The following TRIOBP variants were observed in gnomAD, a reference collection of about 807,000 sequenced individuals.
TRIOBP encodes TRIO and F-actin binding protein.
In TRIOBP, 169 loss-of-function variants were observed where a neutral mutation model predicts 238.8. That is an observed-to-expected ratio of 0.71 (90% CI 0.62 to 0.80). The LOEUF (loss-of-function observed/expected upper bound fraction) is 0.80. Ranked by LOEUF, TRIOBP falls within the 30% of genes least tolerant of loss-of-function variation. The pLI, the probability that TRIOBP is intolerant of heterozygous loss-of-function variation, is 0.00. For missense variants in TRIOBP, 2,838 were observed against 3,122.6 expected (o/e 0.91, Z 2.17); for synonymous variants, 1,150 against 1,274.4 (o/e 0.90, Z 2.08).
chr22:37,746,252 G>A (rs1925247060), intron 11 of TRIOBP: 4 of 1,088,794 alleles, frequency 3.7e-6, no homozygotes, highest in Non-Finnish European at 4.5e-6. Context: ...GCGGATGGAA[G>A]GGGCCGGGGC....
At chr22:37,751,492 GGA>G in intron 11 of TRIOBP, 1 of 519,278 alleles carries the variant, frequency 1.9e-6, no homozygotes, top group South Asian at 2.0e-5. Context: ...GGGGTCGGCT[GGA>G]GAGAGGCCCC....
At chr22:37,720,091 C>T (rs1601628118) in intron 6 of TRIOBP, among the ~76,000 whole-genome samples, 1 of 147,560 alleles carries the variant, frequency 6.8e-6, no homozygotes, top group African/African-American at 2.5e-5. Context: ...CTCACTGCAA[C>T]CTCCACCTCC....
At position 37,769,481 on chromosome 22, in the gene TRIOBP, C is replaced by T. The variant is rs906910176; in HGVS notation, c.6849+106C>T. The T allele has an allele frequency of 3.5e-6, 4 of 1,134,994 alleles. No homozygotes were observed. In the African/African-American group the frequency reaches 6.1e-5, roughly 17 times the overall value. 70.3% of individuals were successfully genotyped at this position (1,134,994 alleles called of 1,614,324 possible). ...ATCACCTGTGGCAGGAAAGCCAAGTCTCCCAGTGGCTGGGCCAGCCTGACT... is the reference window on the plus strand; with the variant it reads ...ATCACCTGTGGCAGGAAAGCCAAGTTTCCCAGTGGCTGGGCCAGCCTGACT... On this transcript the variant is annotated intron_variant, in intron 21 of 23. Transcript: ENST00000644935.
Position 37,755,674 on chromosome 22 carries a change from G to A in TRIOBP, c.5687+15G>A, listed in dbSNP as rs773830175. The A allele has an allele frequency of 4.3e-6, 7 of 1,612,622 alleles. No individual in the cohort carries two copies. The East Asian group carries it at 1.3e-4, about 31-fold the overall frequency. On this transcript the variant is annotated intron_variant, in intron 15 of 23. Coordinates refer to ENST00000644935, the MANE Select transcript of TRIOBP (RefSeq NM_001039141.3). Reference sequence around the variant, plus strand: ...GATGTCACCAAGTACGTACTAAGCTGGACTGGGGCCTTGAGGGAGGCACTT... The same window carrying A: ...GATGTCACCAAGTACGTACTAAGCTAGACTGGGGCCTTGAGGGAGGCACTT...
chr22:37,765,604 G>T (rs1926445743), intron 17 of TRIOBP, 66 bp from the exon 18 acceptor site: 2 of 1,544,718 alleles, frequency 1.3e-6, no homozygotes, highest in African/African-American at 1.4e-5. Context: ...CTCCTCTGGA[G>T]GCTGGGGAAG....
At chr22:37,731,898 T>A (rs964281221) in intron 7 of TRIOBP, among the ~76,000 whole-genome samples, 1 of 152,208 alleles carries the variant, frequency 6.6e-6, no homozygotes, top group Non-Finnish European at 1.5e-5. Context: ...CCCAATCCCA[T>A]ACTTTTGAAG....
chr22:37,771,928 C>T lies in TRIOBP; in HGVS notation c.6936+192C>T, dbSNP rs957171397. The T allele has an allele frequency of 1.3e-5, 9 of 697,840 alleles. No homozygotes were observed. In the African/African-American group the frequency reaches 1.6e-4, roughly 12 times the overall value. The allele number at this position is 697,840 out of a possible 1,614,324, so 43.2% of individuals were successfully genotyped here. On this transcript the variant is annotated intron_variant, in intron 22 of 23. Coordinates refer to ENST00000644935, the MANE Select transcript of TRIOBP (RefSeq NM_001039141.3). ...ACTGAGACTAAGAAAGGGGAAGTGACTTCCCCAAGGCTGTACTTGGCTTCT... is the reference window on the plus strand; with the variant it reads ...ACTGAGACTAAGAAAGGGGAAGTGATTTCCCCAAGGCTGTACTTGGCTTCT...
intron 11 of TRIOBP, chr22:37,746,337 GTTCCCGCGCCGCGGA>G: frequency 8.6e-7 from 1 of 1,166,900 alleles, no homozygotes; most frequent in Non-Finnish European, 1.1e-6. Context: ...CGGCGGCGGG[GTTCCCGCGCCGCGGA>G]GCCCGGCCCG....
At chr22:37,752,672 G>A (rs1055542287) in intron 12 of TRIOBP, among the ~76,000 whole-genome samples, 4 of 152,188 alleles carry the variant, frequency 2.6e-5, no homozygotes, top group African/African-American at 7.2e-5. Flanking sequence ...CCTGCCCGCT[G>A]TCCCTGGTGG....
chr22:37,756,583 G>A (rs546808086), intron 15 of TRIOBP, among the ~76,000 whole-genome samples: 8 of 152,308 alleles, frequency 5.3e-5, no homozygotes, highest in South Asian at 2.1e-4. Context: ...AAGAAACCCC[G>A]GGCACAGTAA....
intron 11 of TRIOBP, among the ~76,000 whole-genome samples, chr22:37,741,875 C>CA (rs1214694763): frequency 6.6e-6 from 1 of 152,210 alleles, no homozygotes. Context: ...CTCAGGGCTG[C>CA]AGAGAGGGCT....
At chr22:37,708,698 A>T (rs4820296) in intron 3 of TRIOBP, among the ~76,000 whole-genome samples, 81,926 of 152,096 alleles carry the variant, frequency 0.54, 22,787 homozygotes, top group East Asian at 0.7. Flanking sequence ...GTCGCTTCTC[A>T]GCCTCCATTT....
rs760809822 is a variant in TRIOBP at position 37,726,227 on chromosome 22, C to T, written c.3671C>T (p.Pro1224Leu). 16 of 1,604,740 alleles carry T rather than the reference C, an allele frequency of 1.0e-5. No individual in the cohort carries two copies. In the East Asian group the frequency reaches 3.2e-4, roughly 32 times the overall value. Residue 1224 changes from proline to leucine, a missense_variant, in exon 7 of 24, where the codon CCC (proline) becomes CTC (leucine). This residue lies in a region of TRIOBP where 2,096 missense variants were observed against 2,137.4 expected (regional missense o/e 0.98). Coordinates refer to ENST00000644935, the MANE Select transcript of TRIOBP (RefSeq NM_001039141.3). ...PQVCIGHRDAPRASSPPRHPP... is the reference protein window; with the variant it reads ...PQVCIGHRDALRASSPPRHPP... The stretch of plus-strand genomic sequence containing the variant: ...GTGTGCATCGGGCACCGGGATGCAC[C>T]CCGAGCCTCCTCCCCACCCCGCCAC...
chr22:37,771,547 C>A, intron 21 of TRIOBP, 103 bp from the exon 22 acceptor site: 1 of 1,002,134 alleles, frequency 1.0e-6, no homozygotes, highest in Non-Finnish European at 1.6e-6. Flanking sequence ...ATAGGGGCTG[C>A]ATTCTAGGGG....
intron 2 of TRIOBP, among the ~76,000 whole-genome samples, chr22:37,698,489 G>A (rs1193900627): frequency 2.7e-5 from 4 of 150,802 alleles, no homozygotes; most frequent in African/African-American, 9.7e-5. Context: ...GAGTAGCTGG[G>A]ATTACAGGCA....
chr22:37,714,022 T>C lies in TRIOBP; in HGVS notation c.456+611T>C, dbSNP rs145092609. On this transcript the variant is annotated intron_variant, in intron 5 of 23. Coordinates refer to ENST00000644935, the MANE Select transcript of TRIOBP (RefSeq NM_001039141.3). ...AAACAACCCAGCCTCACACGCTTCATGGCCAGCTCCATGCTAAGGGCTTGG... is the reference window on the plus strand; with the variant it reads ...AAACAACCCAGCCTCACACGCTTCACGGCCAGCTCCATGCTAAGGGCTTGG... 7.2e-5 allele frequency among the ~76,000 whole-genome samples: 11 copies of C among 152,298 alleles called. No individual in the cohort carries two copies. The East Asian group carries it at 1.5e-3, about 21-fold the overall frequency.
In TRIOBP at chr22:37,759,153, G is replaced by A. The variant is rs895830324; in HGVS notation, c.6214-1G>A. On this transcript the variant is annotated splice_acceptor_variant, in intron 16 of 23. Coordinates refer to ENST00000644935, the MANE Select transcript of TRIOBP (RefSeq NM_001039141.3). LOFTEE classifies it high-confidence loss of function. ...CCACTGACCACCCTTCTCCCTCGTA[G>A]GTTCAGGCTCTTCGGGCCCAGCTGG... The A allele has an allele frequency of 3.7e-6, 6 of 1,610,600 alleles. No homozygotes were observed. The highest frequency in any genetic ancestry group is 5.1e-6 in the Non-Finnish European group (6 of 1,179,006).
chr22:37,730,946 C>CAAAAAAA (rs11316099), intron 7 of TRIOBP, among the ~76,000 whole-genome samples: 1 of 83,848 alleles, frequency 1.2e-5, no homozygotes, highest in African/African-American at 5.1e-5. Flanking sequence ...GACTCCATCT[C>CAAAAAAA]AAAAAAAAAA....
At chr22:37,738,230 G>A (rs1435858583) in intron 9 of TRIOBP, among the ~76,000 whole-genome samples, 3 of 152,188 alleles carry the variant, frequency 2.0e-5, no homozygotes, top group Non-Finnish European at 4.4e-5. Flanking sequence ...TGAATATATG[G>A]TGGTGGTGGA....
Sources: allele counts gnomAD v4.1 joint callset (sites outside exome capture counted in the v4.1 genomes callset), GRCh38; gene constraint gnomAD v4.1.1; regional missense constraint gnomAD v4.1.1; transcripts MANE v1.5; gene names NCBI Gene and HGNC (gene_info 2026-07-23, HGNC 2026-07-21).